The following MS4A5 variants were observed in gnomAD, a reference collection of about 807,000 sequenced individuals.
MS4A5 encodes the protein membrane spanning 4-domains A5.
In MS4A5, 15 loss-of-function variants were observed where a neutral mutation model predicts 18.2. The ratio of observed to expected loss-of-function variants is 0.83; its 90% confidence interval spans 0.55 to 1.27. The LOEUF (loss-of-function observed/expected upper bound fraction) is 1.27, where lower values mean the gene tolerates loss of function less well. Among genes scored for constraint, MS4A5 ranks in the 50% most tolerant of loss-of-function variants. MS4A5 has a pLI of 0.00. For synonymous variants in MS4A5, 89 were observed against 78.7 expected (o/e 1.13, Z -0.69); for missense variants, 232 against 225.7 (o/e 1.03, Z -0.18).
At chr11:60,446,699 C>G (rs2086139946) in intron 4 of MS4A5, among the ~76,000 whole-genome samples, 1 of 151,068 alleles carries the variant, frequency 6.6e-6, no homozygotes. Flanking sequence ...TGCCATTGTA[C>G]TCCAGCCTGG....
rs1167422496 is a variant in MS4A5, at chr11:60,447,781, T to C, written c.*22T>C. ...TTGACTAGCACTGTGAGAATAAAGATGTGTTAAAATATTATGTAGCAATGA... is the reference window on the plus strand; with the variant it reads ...TTGACTAGCACTGTGAGAATAAAGACGTGTTAAAATATTATGTAGCAATGA... On this transcript the variant is annotated 3_prime_UTR_variant, in exon 5 of 5. Coordinates refer to ENST00000300190, the MANE Select transcript of MS4A5 (RefSeq NM_023945.3). 1 of 1,376,436 alleles carries C rather than the reference T, an allele frequency of 7.3e-7. No individual in the cohort carries two copies. The highest frequency in any genetic ancestry group is 1.0e-6 in the Non-Finnish European group (1 of 981,724). 85.3% of individuals were successfully genotyped at this position (1,376,436 alleles called of 1,614,324 possible).
chr11:60,432,049 A>G (rs1233341782), intron 2 of MS4A5, among the ~76,000 whole-genome samples: 1 of 152,194 alleles, frequency 6.6e-6, no homozygotes, highest in Non-Finnish European at 1.5e-5. Flanking sequence ...ACTGGATTGC[A>G]GTAAGATGGA....
Position 60,432,463 on chromosome 11 carries a change from C to A in MS4A5, c.335C>A (p.Thr112Asn). The A allele has an allele frequency of 6.3e-7, 1 of 1,578,766 alleles. No homozygotes were observed. The highest frequency in any genetic ancestry group is 1.1e-5 in the South Asian group (1 of 89,066). ...GCAGTGAAAAGAAAAACCACAGAAA[C>A]TCTGGTGAGTTATATTCTTACTTTA... ...LIAVKRKTTE[T>N]LIILSRIMNF... Residue 112 changes from threonine to asparagine, a missense_variant, in exon 3 of 5, where the codon ACT becomes AAT. Coordinates refer to ENST00000300190, the MANE Select transcript of MS4A5 (RefSeq NM_023945.3).
At chr11:60,433,426 T>A (rs1272170639) in intron 3 of MS4A5, among the ~76,000 whole-genome samples, 1 of 152,164 alleles carries the variant, frequency 6.6e-6, no homozygotes, top group East Asian at 1.9e-4. Flanking sequence ...CAGTTAAACT[T>A]AGGAGTCTTA....
intron 4 of MS4A5, among the ~76,000 whole-genome samples, chr11:60,445,574 T>C (rs1312438163): frequency 6.6e-6 from 1 of 152,204 alleles, no homozygotes; most frequent in Non-Finnish European, 1.5e-5. Flanking sequence ...TACACTTCTT[T>C]ATATATAAAC....
chr11:60,439,500 T>A (rs1229028083), intron 4 of MS4A5, among the ~76,000 whole-genome samples: 1 of 93,278 alleles, frequency 1.1e-5, no homozygotes, highest in South Asian at 4.6e-4. Flanking sequence ...TGTTTGCAGA[T>A]GACATGATTG....
At chr11:60,436,099 T>C (rs1186783996) in intron 4 of MS4A5, among the ~76,000 whole-genome samples, 1 of 152,010 alleles carries the variant, frequency 6.6e-6, no homozygotes, top group Non-Finnish European at 1.5e-5. Context: ...GACTGCCTCC[T>C]CAAGTGGGTC....
intron 4 of MS4A5, among the ~76,000 whole-genome samples, chr11:60,437,553 G>T (rs996600438): frequency 6.6e-6 from 1 of 152,074 alleles, no homozygotes; most frequent in Non-Finnish European, 1.5e-5. Flanking sequence ...ACACACATAG[G>T]CTCAAAATAA....
At chr11:60,441,663 C>G (rs2086113467) in intron 4 of MS4A5, among the ~76,000 whole-genome samples, 1 of 144,602 alleles carries the variant, frequency 6.9e-6, no homozygotes, top group South Asian at 2.2e-4. Flanking sequence ...TTTAAAATAC[C>G]TCAGGGAATA....
rs708229 is a variant in MS4A5, at chr11:60,430,855, C to T, written c.213C>T (p.Thr71=). Residue 71 remains threonine, a synonymous_variant, in exon 2 of 5, where the codon ACC becomes ACT. Coordinates refer to ENST00000300190, the MANE Select transcript of MS4A5 (RefSeq NM_023945.3). ...TFSFGVIFLF[T]LLKPYPRFPF... is the part of the protein sequence containing the mutation. ...CTTTTGGAGTTATCTTCCTTTTCAC[C>T]TTGTTAAAACCATATCCAAGGTTTC... The T allele has an allele frequency of 0.29, 472,857 of 1,611,878 alleles. 72,263 individuals are homozygous for T. The highest frequency in any genetic ancestry group is 0.45 in the Middle Eastern group (2,689 of 6,040).
chr11:60,443,142 A>G (rs754695406), intron 4 of MS4A5, among the ~76,000 whole-genome samples: 1 of 151,450 alleles, frequency 6.6e-6, no homozygotes, highest in African/African-American at 2.5e-5. Context: ...CTCCGTCTCA[A>G]AAACAACAAC....
At chr11:60,446,332 T>A (rs974094173) in intron 4 of MS4A5, among the ~76,000 whole-genome samples, 1 of 152,188 alleles carries the variant, frequency 6.6e-6, no homozygotes, top group Admixed American at 6.5e-5. Flanking sequence ...AAACTTTAAC[T>A]GGTAAGTGCA....
chr11:60,442,188 A>G (rs1215454305), intron 4 of MS4A5, among the ~76,000 whole-genome samples: 1 of 151,990 alleles, frequency 6.6e-6, no homozygotes, highest in Non-Finnish European at 1.5e-5. Flanking sequence ...GACATTTTTA[A>G]TTGACAGATA....
rs749195696 is a variant in MS4A5, at chr11:60,429,686, C to A, written c.12C>A (p.Ser4Arg). The change falls in exon 1 of 5, where the codon AGC (serine) becomes AGA (arginine). Residue 4 changes from serine (S) to arginine (R), a missense_variant. Physicochemically the swap from Ser to Arg is moderately radical, Grantham distance 110. Coordinates refer to ENST00000300190, the MANE Select transcript of MS4A5 (RefSeq NM_023945.3). ...TCACCGACACCATCATGGATTCAAGCACCGCACACAGTCCGGTGTTTCTGG... is the reference window on the plus strand; with the variant it reads ...TCACCGACACCATCATGGATTCAAGAACCGCACACAGTCCGGTGTTTCTGG... MDS[S>R]TAHSPVFLVF... 6.2e-7 allele frequency: 1 copy of A among 1,610,498 alleles called. No homozygotes were observed. Among genetic ancestry groups the A allele is most frequent in the Non-Finnish European group, 8.5e-7 (1 of 1,179,046 alleles).
chr11:60,441,909 G>T (rs1407627393), intron 4 of MS4A5, among the ~76,000 whole-genome samples: 1 of 152,114 alleles, frequency 6.6e-6, no homozygotes, highest in Non-Finnish European at 1.5e-5. Flanking sequence ...TATAATAAAA[G>T]GGTCGATTCA....
intron 4 of MS4A5, among the ~76,000 whole-genome samples, chr11:60,437,525 T>C (rs2086087032): frequency 6.6e-6 from 1 of 152,122 alleles, no homozygotes; most frequent in South Asian, 2.1e-4. Context: ...ATTCAGGAAA[T>C]GCATCTCATG....
intron 2 of MS4A5, among the ~76,000 whole-genome samples, chr11:60,431,686 T>A (rs1190863932): frequency 6.6e-6 from 1 of 152,076 alleles, no homozygotes; most frequent in East Asian, 1.9e-4. Flanking sequence ...GTTAATCAGG[T>A]GAGGACACAC....
chr11:60,441,355 C>G (rs1218295651), intron 4 of MS4A5, among the ~76,000 whole-genome samples: 13 of 120,742 alleles, frequency 1.1e-4, no homozygotes, highest in African/African-American at 3.9e-4. Flanking sequence ...GTGCAGGGCA[C>G]CAGCATGGCA....
chr11:60,433,631 A>G, intron 3 of MS4A5, 134 bp from the exon 4 acceptor site: 1 of 775,814 alleles, frequency 1.3e-6, no homozygotes, highest in Non-Finnish European at 2.1e-6. Flanking sequence ...AGCAATTCGC[A>G]CAGGATCACA....
Sources: allele counts gnomAD v4.1 joint callset (sites outside exome capture counted in the v4.1 genomes callset), GRCh38; gene constraint gnomAD v4.1.1; transcripts MANE v1.5; gene names NCBI Gene and HGNC (gene_info 2026-07-23, HGNC 2026-07-21).